The following OSBPL1A variants were observed in gnomAD, a reference collection of about 807,000 sequenced individuals.
The protein encoded by OSBPL1A is oxysterol-binding protein-related protein 1.
Under a neutral mutation model 137.1 loss-of-function variants are expected in OSBPL1A, and 80 were observed. The ratio of observed to expected loss-of-function variants is 0.58; its 90% CI spans 0.49 to 0.70. OSBPL1A has a LOEUF of 0.70. Among genes scored for constraint, OSBPL1A ranks in the 30% least tolerant of loss-of-function variants. The probability of loss-of-function intolerance (pLI) is 0.00; values close to 1 mark genes in which losing one functional copy is unlikely to be tolerated. For synonymous variants in OSBPL1A, 365 were observed against 389.7 expected (o/e 0.94, Z 0.75); for missense variants, 970 against 1,129.4 (o/e 0.86, Z 2.02).
chr18:24,215,852 G>A (rs555786972), intron 17 of OSBPL1A, among the ~76,000 whole-genome samples: 2 of 152,164 alleles, frequency 1.3e-5, no homozygotes, highest in South Asian at 4.1e-4. Context: ...TTGTGTTCAC[G>A]TGTGTTGGGA....
intron 16 of OSBPL1A, among the ~76,000 whole-genome samples, chr18:24,234,390 T>G (rs1272111202): frequency 6.6e-6 from 1 of 152,228 alleles, no homozygotes; most frequent in African/African-American, 2.4e-5. Context: ...TTCATTAAAT[T>G]TATCTCCTTT....
At chr18:24,268,630 C>T (rs1242441222) in intron 15 of OSBPL1A, among the ~76,000 whole-genome samples, 1 of 152,090 alleles carries the variant, frequency 6.6e-6, no homozygotes, top group East Asian at 1.9e-4. Flanking sequence ...TACCTGTCCT[C>T]TGGGCAGCTT....
chr18:24,181,569 G>C (rs1445372868), intron 18 of OSBPL1A, among the ~76,000 whole-genome samples: 1 of 152,216 alleles, frequency 6.6e-6, no homozygotes, highest in Non-Finnish European at 1.5e-5. Flanking sequence ...TCATCAGTCT[G>C]CCTTACATCA....
intron 4 of OSBPL1A, among the ~76,000 whole-genome samples, chr18:24,359,796 A>G (rs572982760): frequency 6.6e-6 from 1 of 152,354 alleles, no homozygotes; most frequent in Non-Finnish European, 1.5e-5. Context: ...TGATTATAAA[A>G]GGCATAAAAA....
chr18:24,235,565 T>C (rs1460791348), intron 16 of OSBPL1A, among the ~76,000 whole-genome samples: 1 of 152,188 alleles, frequency 6.6e-6, no homozygotes, highest in African/African-American at 2.4e-5. Flanking sequence ...CATGGAAATG[T>C]CACGAATCAC....
chr18:24,228,928 C>T (rs1210697216), intron 16 of OSBPL1A, among the ~76,000 whole-genome samples: 1 of 152,082 alleles, frequency 6.6e-6, no homozygotes, highest in Non-Finnish European at 1.5e-5. Flanking sequence ...AGGCTGGGCG[C>T]GGTGGCTCAC....
At chr18:24,321,172 T>A (rs1231064481) in intron 7 of OSBPL1A, among the ~76,000 whole-genome samples, 2 of 152,164 alleles carry the variant, frequency 1.3e-5, no homozygotes. Context: ...ATAGCCCCAT[T>A]GAGATACAAA....
chr18:24,240,588 G>C (rs1005423472), intron 15 of OSBPL1A, among the ~76,000 whole-genome samples: 1 of 152,190 alleles, frequency 6.6e-6, no homozygotes, highest in Admixed American at 6.5e-5. Flanking sequence ...GGATCCACTG[G>C]TAGGTAGCAG....
chr18:24,301,745 T>C (rs1341407417), intron 14 of OSBPL1A, among the ~76,000 whole-genome samples: 1 of 152,210 alleles, frequency 6.6e-6, no homozygotes, highest in African/African-American at 2.4e-5. Context: ...ACCACTGCCC[T>C]TCCCAAGGCT....
chr18:24,339,762 CACA>C (rs1179372164), intron 5 of OSBPL1A, among the ~76,000 whole-genome samples: 1 of 152,178 alleles, frequency 6.6e-6, no homozygotes, highest in East Asian at 1.9e-4. Flanking sequence ...ATTCATATAA[CACA>C]GTGTCTGATA....
chr18:24,221,768 T>C (rs7237307), intron 17 of OSBPL1A, among the ~76,000 whole-genome samples: 45,850 of 152,050 alleles, frequency 0.3, 7,685 homozygotes, highest in Middle Eastern at 0.39. Flanking sequence ...TCATTTTCAG[T>C]AAGTTTTATC....
At chr18:24,341,512 TA>T in intron 5 of OSBPL1A, 34 bp downstream of exon 5, 1 of 1,513,336 alleles carries the variant, frequency 6.6e-7, no homozygotes, top group Non-Finnish European at 9.1e-7. Context: ...ATAATGAAAG[TA>T]AATGCTGTTT....
chr18:24,216,460 T>C (rs913442177), intron 17 of OSBPL1A, among the ~76,000 whole-genome samples: 1 of 152,300 alleles, frequency 6.6e-6, no homozygotes, highest in African/African-American at 2.4e-5. Context: ...TGAGCCGAGA[T>C]AGTGCCACTG....
intron 26 of OSBPL1A, among the ~76,000 whole-genome samples, chr18:24,166,059 T>C (rs2086139397): frequency 6.6e-6 from 1 of 152,092 alleles, no homozygotes; most frequent in African/African-American, 2.4e-5. Context: ...ATTGCGCCAC[T>C]GCACTCCAGC....
At chr18:24,334,669 G>A (rs2091141086) in intron 5 of OSBPL1A, among the ~76,000 whole-genome samples, 1 of 152,102 alleles carries the variant, frequency 6.6e-6, no homozygotes, top group South Asian at 2.1e-4. Context: ...TAGAACCTTA[G>A]AATGTGAAAA....
At chr18:24,244,443 A>T (rs986100650) in intron 15 of OSBPL1A, among the ~76,000 whole-genome samples, 1 of 152,230 alleles carries the variant, frequency 6.6e-6, no homozygotes, top group Admixed American at 6.5e-5. Context: ...TACCTTTCAA[A>T]TTCGCATATG....
rs2086242740 is a variant in OSBPL1A, at chr18:24,170,263, A to G, written c.2418+64T>C. 3 of 1,580,466 alleles carry G rather than the reference A, an allele frequency of 1.9e-6. No homozygotes were observed. In the South Asian group the frequency reaches 3.4e-5, roughly 18 times the overall value. On this transcript the variant is annotated intron_variant, in intron 24 of 27. Transcript: ENST00000319481. ...TGTGACCCTAGAACAGGCCACCTCCAAAAGGATTAGTACACATTGAAGAAT... is the reference window on the plus strand; with the variant it reads ...TGTGACCCTAGAACAGGCCACCTCCGAAAGGATTAGTACACATTGAAGAAT...
intron 15 of OSBPL1A, among the ~76,000 whole-genome samples, chr18:24,264,017 C>T (rs2089507348): frequency 1.3e-5 from 2 of 152,132 alleles, no homozygotes; most frequent in African/African-American, 2.4e-5. Context: ...TATGTGAATG[C>T]ACCCTGGGGA....
At chr18:24,306,060 T>C (rs2090495006) in intron 13 of OSBPL1A, among the ~76,000 whole-genome samples, 1 of 152,260 alleles carries the variant, frequency 6.6e-6, no homozygotes, top group African/African-American at 2.4e-5. Context: ...TTTCTATTTA[T>C]TTATTCTACA....
Sources: gnomAD v4.1 joint callset for allele counts (sites outside exome capture counted in the v4.1 genomes callset) on GRCh38, gnomAD v4.1.1 for gene constraint, MANE v1.5 for transcripts, NCBI Gene and HGNC (gene_info 2026-07-23, HGNC 2026-07-21) for gene names.